EYS: variants seen among roughly 807,000 people sequenced by gnomAD.
EYS encodes protein eyes shut homolog.
Under a neutral mutation model 282.1 loss-of-function variants are expected in EYS, and 250 were observed. That is an observed-to-expected ratio of 0.89 (90% CI 0.80 to 0.98). The LOEUF (loss-of-function observed/expected upper bound fraction) is 0.98. EYS is among the 50% of genes least tolerant of loss of function. The pLI, the probability that EYS is intolerant of heterozygous loss-of-function variation, is 0.00. For missense variants in EYS, 4,016 were observed against 3,709.0 expected (o/e 1.08, Z -2.15); for synonymous variants, 1,355 against 1,282.9 (o/e 1.06, Z -1.20).
chr6:64,585,541 T>C (rs1344635826), intron 26 of EYS, among the ~76,000 whole-genome samples: 1 of 152,088 alleles, frequency 6.6e-6, no homozygotes, highest in African/African-American at 2.4e-5. Flanking sequence ...ACACAATTTA[T>C]TTTGGCCTGA....
At chr6:64,640,140 C>G (rs1768077958) in intron 22 of EYS, among the ~76,000 whole-genome samples, 1 of 147,908 alleles carries the variant, frequency 6.8e-6, no homozygotes, top group African/African-American at 2.5e-5. Context: ...ACTAGTTCAA[C>G]CATTGTGGAA....
At chr6:64,179,218 G>A (rs1326541843) in intron 31 of EYS, among the ~76,000 whole-genome samples, 1 of 151,832 alleles carries the variant, frequency 6.6e-6, no homozygotes, top group Admixed American at 6.6e-5. Context: ...CAATTGTTTT[G>A]GAGTAGCAAA....
At chr6:65,677,162 G>A (rs569314436) in intron 1 of EYS, among the ~76,000 whole-genome samples, 1 of 145,600 alleles carries the variant, frequency 6.9e-6, no homozygotes, top group African/African-American at 2.5e-5. Flanking sequence ...CAGGGATAAG[G>A]CAAGAATGTG....
chr6:64,250,006 G>A (rs1163884109), intron 30 of EYS, among the ~76,000 whole-genome samples: 2 of 152,186 alleles, frequency 1.3e-5, no homozygotes, highest in Non-Finnish European at 2.9e-5. Flanking sequence ...AAAGAAAAAT[G>A]TAAGTGAATC....
At chr6:64,948,350 A>T (rs1021201868) in intron 14 of EYS, among the ~76,000 whole-genome samples, 1 of 150,866 alleles carries the variant, frequency 6.6e-6, no homozygotes, top group African/African-American at 2.4e-5. Context: ...TTCTCATTCA[A>T]CATTGAATAA....
chr6:65,329,501 T>A (rs570298496), intron 11 of EYS: 1 of 978,710 alleles, frequency 1.0e-6, no homozygotes, highest in African/African-American at 1.7e-5. Context: ...ACACTTGATC[T>A]AGTGGTTTCA....
intron 2 of EYS, among the ~76,000 whole-genome samples, chr6:65,598,586 G>A (rs1306189097): frequency 6.6e-6 from 1 of 151,944 alleles, no homozygotes; most frequent in Non-Finnish European, 1.5e-5. Flanking sequence ...TACTCCATTT[G>A]CCAACATACT....
At chr6:65,276,670 C>G (rs889097089) in intron 12 of EYS, among the ~76,000 whole-genome samples, 1 of 148,152 alleles carries the variant, frequency 6.7e-6, no homozygotes, top group African/African-American at 2.4e-5. Flanking sequence ...ACAACTGAAT[C>G]CAGTCAAGAC....
chr6:65,439,509 T>C (rs1413707445), intron 5 of EYS, among the ~76,000 whole-genome samples: 2 of 152,180 alleles, frequency 1.3e-5, no homozygotes, highest in Non-Finnish European at 2.9e-5. Flanking sequence ...TTTGTTTGTG[T>C]CCTCTTTTAT....
chr6:64,071,136 A>C (rs1771559200), intron 32 of EYS, among the ~76,000 whole-genome samples: 1 of 152,058 alleles, frequency 6.6e-6, no homozygotes, highest in Non-Finnish European at 1.5e-5. Flanking sequence ...CCCCTACCTC[A>C]GGTTCTAGAC....
intron 12 of EYS, among the ~76,000 whole-genome samples, chr6:65,288,778 A>G (rs904393542): frequency 1.3e-5 from 2 of 151,148 alleles, no homozygotes; most frequent in African/African-American, 4.8e-5. Flanking sequence ...GGAATAATAC[A>G]TATGCACATA....
At chr6:64,874,205 G>A (rs933035244) in intron 19 of EYS, among the ~76,000 whole-genome samples, 9 of 151,964 alleles carry the variant, frequency 5.9e-5, no homozygotes, top group Non-Finnish European at 8.8e-5. Context: ...CAAAAGTAAA[G>A]ATATTTTCTC....
intron 2 of EYS, among the ~76,000 whole-genome samples, chr6:65,620,419 A>AT (rs1386938717): frequency 6.6e-6 from 1 of 151,602 alleles, no homozygotes; most frequent in Non-Finnish European, 1.5e-5. Context: ...ATCATTTTTT[A>AT]TTGTGTCTAT....
intron 26 of EYS, among the ~76,000 whole-genome samples, chr6:64,519,098 G>A (rs186024333): frequency 1.0e-3 from 158 of 151,876 alleles, no homozygotes; most frequent in African/African-American, 3.6e-3. Context: ...GAAGGTTGCT[G>A]TGGAAGAGGC....
intron 26 of EYS, among the ~76,000 whole-genome samples, chr6:64,531,476 TC>T (rs1014172621): frequency 6.6e-6 from 1 of 150,392 alleles, no homozygotes; most frequent in Non-Finnish European, 1.5e-5. Flanking sequence ...AAGCTCCGCC[TC>T]CCGGATTCAC....
intron 22 of EYS, among the ~76,000 whole-genome samples, chr6:64,724,350 G>C (rs1461882965): frequency 5.9e-5 from 9 of 152,168 alleles, no homozygotes; most frequent in Admixed American, 5.9e-4. Flanking sequence ...GAACATTGCT[G>C]TAAAAGAAAC....
chr6:64,804,030 C>A (rs571422908), intron 22 of EYS, among the ~76,000 whole-genome samples: 8 of 152,154 alleles, frequency 5.3e-5, no homozygotes, highest in Non-Finnish European at 1.2e-4. Context: ...CTGCCTGCTC[C>A]TTGGAGTGTA....
At chr6:65,240,590 T>C (rs1230734574) in intron 12 of EYS, among the ~76,000 whole-genome samples, 1 of 152,194 alleles carries the variant, frequency 6.6e-6, no homozygotes, top group Non-Finnish European at 1.5e-5. Flanking sequence ...TCCAGCTACA[T>C]CCATGTCACT....
chr6:64,281,802 T>C (rs1244630646), intron 30 of EYS, among the ~76,000 whole-genome samples: 1 of 152,132 alleles, frequency 6.6e-6, no homozygotes, highest in Admixed American at 6.6e-5. Context: ...AAATGACTTG[T>C]TTTAGCAGCA....
Sources: allele counts gnomAD v4.1 joint callset (sites outside exome capture counted in the v4.1 genomes callset), GRCh38; gene constraint gnomAD v4.1.1; transcripts MANE v1.5; gene names NCBI Gene and HGNC (gene_info 2026-07-23, HGNC 2026-07-21).